LRRC63: variants seen among roughly 807,000 people sequenced by gnomAD.
The protein encoded by LRRC63 is leucine rich repeat containing 63.
LRRC63 carries 40 observed loss-of-function variants against 49.5 expected under a neutral mutation model. The ratio of observed to expected loss-of-function variants is 0.81; its 90% CI spans 0.63 to 1.05. The LOEUF (loss-of-function observed/expected upper bound fraction) is 1.05, where lower values mean the gene tolerates loss of function less well. Ranked by LOEUF, LRRC63 falls within the 50% of genes least tolerant of loss-of-function variation. The pLI, the probability that LRRC63 is intolerant of heterozygous loss-of-function variation, is 0.00. For missense variants in LRRC63, 636 were observed against 663.1 expected, an observed-to-expected ratio of 0.96 and a Z score of 0.45; for synonymous variants, 191 against 221.1, an observed-to-expected ratio of 0.86 and a Z score of 1.21.
chr13:46,231,590 A>G (rs933150318), intron 4 of LRRC63, among the ~76,000 whole-genome samples: 3 of 151,366 alleles, frequency 2.0e-5, no homozygotes, highest in African/African-American at 4.9e-5. Context: ...GCTCACTGCA[A>G]CCTCCGCCTG....
At chr13:46,271,153 TG>T (rs2047752896) in intron 9 of LRRC63, among the ~76,000 whole-genome samples, 2 of 152,268 alleles carry the variant, frequency 1.3e-5, no homozygotes, top group South Asian at 4.1e-4. Flanking sequence ...CTGCAGGACT[TG>T]AGTTATGTGT....
intron 4 of LRRC63, among the ~76,000 whole-genome samples, chr13:46,232,721 T>TA (rs1262716102): frequency 1.3e-5 from 2 of 152,060 alleles, no homozygotes; most frequent in East Asian, 3.9e-4. Context: ...ACATTAAATT[T>TA]AAAAAATTAC....
intron 5 of LRRC63, among the ~76,000 whole-genome samples, chr13:46,239,311 C>T (rs924818798): frequency 6.6e-6 from 1 of 152,058 alleles, no homozygotes; most frequent in East Asian, 1.9e-4. Context: ...GGAAGTTACT[C>T]CTGACCCCAC....
At chr13:46,237,946 A>G (rs1245734859) in intron 5 of LRRC63, among the ~76,000 whole-genome samples, 2 of 152,322 alleles carry the variant, frequency 1.3e-5, no homozygotes, top group Non-Finnish European at 2.9e-5. Context: ...TAAATCAGTA[A>G]CAAAAAACTT....
At chr13:46,255,645 A>AATATATATATATATATATATATATAG (rs142798828) in intron 7 of LRRC63, among the ~76,000 whole-genome samples, 1 of 129,468 alleles carries the variant, frequency 7.7e-6, no homozygotes, top group Non-Finnish European at 1.6e-5. Context: ...CCCTGCCTCA[A>AATATATATATATATATATATATATAG]ATATATATAT....
chr13:46,234,419 A>G (rs2046849668), intron 5 of LRRC63, 70 bp downstream of exon 5: 1 of 1,436,700 alleles, frequency 7.0e-7, no homozygotes. Flanking sequence ...ATTTCCCAAT[A>G]TAGATTAGTT....
intron 2 of LRRC63, among the ~76,000 whole-genome samples, chr13:46,220,930 A>G (rs2046389988): frequency 6.6e-6 from 1 of 152,024 alleles, no homozygotes; most frequent in South Asian, 2.1e-4. Context: ...CGCCCTCCAT[A>G]TTGGGAAGAT....
intron 2 of LRRC63, among the ~76,000 whole-genome samples, chr13:46,225,798 C>T (rs2046556691): frequency 6.6e-6 from 1 of 152,106 alleles, no homozygotes; most frequent in Non-Finnish European, 1.5e-5. Flanking sequence ...TTAGCTCTAT[C>T]TCATTTTCAG....
chr13:46,262,223 G>A (rs1438110924), intron 8 of LRRC63, among the ~76,000 whole-genome samples: 1 of 152,072 alleles, frequency 6.6e-6, no homozygotes, highest in Non-Finnish European at 1.5e-5. Flanking sequence ...AGAACGATAA[G>A]CTACTTATGT....
In LRRC63 at chr13:46,267,368, A is replaced by G. The variant is rs142532578; in HGVS notation, c.1550+396A>G. 9.9e-3 allele frequency among the ~76,000 whole-genome samples: 1,506 copies of G among 152,348 alleles called. 9 individuals carry two copies. Among genetic ancestry groups the G allele is most frequent in the Middle Eastern group, 0.031 (9 of 294 alleles). ...GAGACCAGGAATGGAGCAGGCATGC[A>G]TGGAGTAACCTCCCTCAGGGTATCA... On this transcript the variant is annotated intron_variant, in intron 9 of 9. Transcript: ENST00000595396.
chr13:46,225,258 A>G (rs1254635907), intron 2 of LRRC63, among the ~76,000 whole-genome samples: 1 of 152,234 alleles, frequency 6.6e-6, no homozygotes, highest in Non-Finnish European at 1.5e-5. Flanking sequence ...GCAGTGCTAC[A>G]GTGCCATGTG....
chr13:46,218,506 A>T (rs1339932084), intron 2 of LRRC63, among the ~76,000 whole-genome samples: 1 of 151,924 alleles, frequency 6.6e-6, no homozygotes, highest in African/African-American at 2.4e-5. Context: ...TTTGCACGTG[A>T]GATGGGTCTC....
rs375051881 is a variant in LRRC63 at position 46,250,567 on chromosome 13, A to C, written c.1226+76A>C. On this transcript the variant is annotated intron_variant, in intron 7 of 9. Transcript: ENST00000595396. ...GAAAAAGATCAATTTCCCCTTTCAA[A>C]GCAGCTAGCAGCTTTTTGGCTATTT... 2.5e-6 allele frequency: 3 copies of C among 1,202,474 alleles called. No homozygotes were observed. The African/African-American group carries it at 4.6e-5, about 19-fold the overall frequency. 74.5% of individuals were successfully genotyped at this position (1,202,474 alleles called of 1,614,324 possible).
chr13:46,222,567 G>T (rs2046437234), intron 2 of LRRC63, among the ~76,000 whole-genome samples: 1 of 152,140 alleles, frequency 6.6e-6, no homozygotes, highest in Admixed American at 6.5e-5. Context: ...AACAACAGGT[G>T]CTGGAGAGGA....
intron 9 of LRRC63, among the ~76,000 whole-genome samples, chr13:46,268,622 G>A (rs1239279990): frequency 6.6e-6 from 1 of 151,340 alleles, no homozygotes; most frequent in East Asian, 1.9e-4. Flanking sequence ...ATTTTGCCCA[G>A]CAAAGCTTTC....
exon 5 of LRRC63, chr13:46,234,336 C>T: frequency 6.5e-7 from 1 of 1,549,766 alleles, no homozygotes; most frequent in Non-Finnish European, 8.7e-7. Flanking sequence ...GGGAGAAATG[C>T]ACTTAATCTG....
chr13:46,227,376 C>T (rs1277609312), intron 2 of LRRC63, 136 bp from the exon 3 acceptor site: 2 of 578,598 alleles, frequency 3.5e-6, no homozygotes, highest in African/African-American at 1.9e-5. Context: ...ATCCTGGTAG[C>T]TGAGCAAGTG....
chr13:46,270,196 G>A (rs1406089000), intron 9 of LRRC63: 1 of 788,090 alleles, frequency 1.3e-6, no homozygotes, highest in Non-Finnish European at 2.3e-6. Context: ...GTATACCACA[G>A]CACTCTAACC....
At chr13:46,276,815 A>C (rs2047843189) in exon 10 of LRRC63, 1 of 384,404 alleles carries the variant, frequency 2.6e-6, no homozygotes. Context: ...ACAATGATTT[A>C]TCGTATGTGT....
Sources: gnomAD v4.1 joint callset for allele counts (sites outside exome capture counted in the v4.1 genomes callset) on GRCh38, gnomAD v4.1.1 for gene constraint, MANE v1.5 for transcripts, NCBI Gene and HGNC (gene_info 2026-07-23, HGNC 2026-07-21) for gene names.